ROBO1: variants seen among roughly 807,000 people sequenced by gnomAD.
ROBO1 encodes the protein roundabout homolog 1.
ROBO1 carries 149 observed loss-of-function variants against 195.9 expected under a neutral mutation model. The observed-to-expected ratio is 0.76, with a 90% CI of 0.67 to 0.87. The LOEUF (loss-of-function observed/expected upper bound fraction) is 0.87, where lower values mean the gene tolerates loss of function less well. Among genes scored for constraint, ROBO1 ranks in the 40% least tolerant of loss-of-function variants. ROBO1 has a pLI of 0.00. For synonymous variants in ROBO1, 816 were observed against 733.2 expected, an observed-to-expected ratio of 1.11 and a Z score of -1.82; for missense variants, 1,933 against 2,068.3, an observed-to-expected ratio of 0.93 and a Z score of 1.27.
chr3:79,424,169 G>A (rs371117256), intron 2 of ROBO1, among the ~76,000 whole-genome samples: 1 of 152,092 alleles, frequency 6.6e-6, no homozygotes, highest in South Asian at 2.1e-4. Flanking sequence ...AAGCAACTAA[G>A]TTAAATCTAC....
At chr3:78,686,372 C>T (rs899499510) in intron 9 of ROBO1, among the ~76,000 whole-genome samples, 30 of 151,770 alleles carry the variant, frequency 2.0e-4, no homozygotes, top group African/African-American at 6.5e-4. Flanking sequence ...CTGGCTAACA[C>T]GGTGAAACCC....
chr3:79,283,256 T>C (rs1294268740), intron 2 of ROBO1, among the ~76,000 whole-genome samples: 1 of 152,160 alleles, frequency 6.6e-6, no homozygotes, highest in African/African-American at 2.4e-5. Flanking sequence ...GCTGAAAAAC[T>C]ACCTATGGGG....
At chr3:78,739,331 A>G (rs1396626855) in intron 5 of ROBO1, among the ~76,000 whole-genome samples, 4 of 152,100 alleles carry the variant, frequency 2.6e-5, no homozygotes, top group African/African-American at 9.7e-5. Context: ...CATTAATAAT[A>G]TTTTACTTAA....
At chr3:79,120,109 C>G (rs1037250851) in intron 3 of ROBO1, among the ~76,000 whole-genome samples, 3 of 152,012 alleles carry the variant, frequency 2.0e-5, no homozygotes, top group Non-Finnish European at 4.4e-5. Context: ...TAGTATACCT[C>G]ATATACCCCC....
At chr3:78,737,255 A>G (rs1361854119) in intron 5 of ROBO1, among the ~76,000 whole-genome samples, 1 of 152,226 alleles carries the variant, frequency 6.6e-6, no homozygotes, top group Non-Finnish European at 1.5e-5. Flanking sequence ...CAGAGGAGAT[A>G]GAAAGCTGGA....
intron 4 of ROBO1, among the ~76,000 whole-genome samples, chr3:78,784,314 T>A (rs908036629): frequency 1.3e-5 from 2 of 152,186 alleles, no homozygotes; most frequent in South Asian, 2.1e-4. Context: ...CTAAATATCA[T>A]GCCCGGCATA....
chr3:79,421,948 G>A lies in ROBO1; in HGVS notation c.88+167876C>T, dbSNP rs553354213. ...TTCAGGGCCATATTTATTTGTTCCC[G>A]AGTCCAAGTGATTAACCACTGTACA... On this transcript the variant is annotated intron_variant, in intron 2 of 30. Transcript: ENST00000464233. Among the ~76,000 whole-genome samples, 21 of 151,628 alleles carry A rather than the reference G, an allele frequency of 1.4e-4. No homozygotes were observed. The East Asian group carries it at 3.1e-3, about 22-fold the overall frequency.
intron 3 of ROBO1, among the ~76,000 whole-genome samples, chr3:78,944,652 C>A (rs1049237829): frequency 3.9e-5 from 6 of 152,204 alleles, no homozygotes; most frequent in African/African-American, 1.2e-4. Context: ...CTGGGGAGTG[C>A]CAGACAGTAG....
chr3:78,671,322 C>A (rs1708054396), intron 10 of ROBO1, among the ~76,000 whole-genome samples: 2 of 151,376 alleles, frequency 1.3e-5, no homozygotes, highest in Non-Finnish European at 2.9e-5. Flanking sequence ...ACTTAAAAAC[C>A]AAATTTCAGA....
intron 18 of ROBO1, among the ~76,000 whole-genome samples, chr3:78,656,020 T>C (rs1476285809): frequency 1.3e-5 from 2 of 152,190 alleles, no homozygotes; most frequent in African/African-American, 2.4e-5. Context: ...TGTTTTGTTA[T>C]TGTTTGTTTT....
At chr3:78,727,215 GTAAAA>G (rs2082182271) in intron 5 of ROBO1, among the ~76,000 whole-genome samples, 1 of 151,786 alleles carries the variant, frequency 6.6e-6, no homozygotes, top group South Asian at 2.1e-4. Flanking sequence ...ATATAATCAA[GTAAAA>G]TAATTCATAT....
intron 3 of ROBO1, among the ~76,000 whole-genome samples, chr3:79,040,948 C>T (rs546759132): frequency 4.3e-4 from 66 of 152,178 alleles, no homozygotes; most frequent in Non-Finnish European, 7.9e-4. Flanking sequence ...CTGACTCACT[C>T]CTTTGACTTC....
chr3:79,455,010 C>T (rs1263590957), intron 2 of ROBO1, among the ~76,000 whole-genome samples: 1 of 151,998 alleles, frequency 6.6e-6, no homozygotes, highest in Non-Finnish European at 1.5e-5. Flanking sequence ...ATTCTAAGTA[C>T]CTTACTTCTC....
rs867482172 is a variant in ROBO1, at chr3:79,606,138, C to T, written c.-50-16177G>A. 1.7e-4 allele frequency among the ~76,000 whole-genome samples: 26 copies of T among 148,708 alleles called. No individual in the cohort carries two copies. In the South Asian group the frequency reaches 5.5e-3, roughly 32 times the overall value. On this transcript the variant is annotated intron_variant, in intron 1 of 30. Transcript: ENST00000464233. ...TTAATTTACTCATTTAAAAAAATTA[C>T]TCATTTAATTTACTCATTTAAAAAA...
intron 8 of ROBO1, among the ~76,000 whole-genome samples, chr3:78,694,603 T>C (rs1373343185): frequency 6.6e-6 from 1 of 152,198 alleles, no homozygotes; most frequent in Non-Finnish European, 1.5e-5. Flanking sequence ...AAAGAAACTT[T>C]CTCATTTACA....
intron 1 of ROBO1, among the ~76,000 whole-genome samples, chr3:79,741,253 G>C (rs1703635864): frequency 6.6e-6 from 1 of 152,118 alleles, no homozygotes; most frequent in Non-Finnish European, 1.5e-5. Flanking sequence ...GAGTAATTCT[G>C]GTGTTAACGA....
chr3:79,573,701 T>C (rs1316940962), intron 2 of ROBO1, among the ~76,000 whole-genome samples: 1 of 152,170 alleles, frequency 6.6e-6, no homozygotes, highest in East Asian at 1.9e-4. Context: ...CAGCTCCAGT[T>C]TAAACCAGTT....
chr3:79,723,099 A>C (rs1459994369), intron 1 of ROBO1, among the ~76,000 whole-genome samples: 2 of 152,188 alleles, frequency 1.3e-5, no homozygotes, highest in African/African-American at 4.8e-5. Context: ...TTTTCTGTCT[A>C]TAAGAAAGCA....
intron 1 of ROBO1, among the ~76,000 whole-genome samples, chr3:79,715,035 T>C (rs1702428827): frequency 6.6e-6 from 1 of 152,062 alleles, no homozygotes; most frequent in African/African-American, 2.4e-5. Context: ...AATCTAAAGA[T>C]GTGTTGAATT....
Sources: gnomAD v4.1 joint callset for allele counts (sites outside exome capture counted in the v4.1 genomes callset) on GRCh38, gnomAD v4.1.1 for gene constraint, MANE v1.5 for transcripts, NCBI Gene and HGNC (gene_info 2026-07-23, HGNC 2026-07-21) for gene names.